Variants in CADPS2 observed in about 807,000 individuals in gnomAD.
CADPS2 encodes calcium-dependent secretion activator 2.
Under a neutral mutation model 172.5 loss-of-function variants are expected in CADPS2, and 93 were observed. The ratio of observed to expected loss-of-function variants is 0.54; its 90% CI spans 0.46 to 0.64. The LOEUF is 0.64. Ranked by LOEUF, CADPS2 falls within the 30% of genes least tolerant of loss-of-function variation. The pLI, the probability that CADPS2 is intolerant of heterozygous loss-of-function variation, is 0.00. For missense variants in CADPS2, 1,420 were observed against 1,565.9 expected, an observed-to-expected ratio of 0.91 and a Z score of 1.57; for synonymous variants, 546 against 555.2, an observed-to-expected ratio of 0.98 and a Z score of 0.23.
At chr7:122,419,652 A>G (rs1475125395) in intron 17 of CADPS2, among the ~76,000 whole-genome samples, 3 of 152,158 alleles carry the variant, frequency 2.0e-5, no homozygotes, top group Non-Finnish European at 2.9e-5. Context: ...ACTGAACCAG[A>G]TAATTTCTAA....
At chr7:122,422,093 T>C (rs1438634897) in intron 17 of CADPS2, 2 of 152,052 alleles carry the variant, frequency 1.3e-5, no homozygotes, top group Non-Finnish European at 2.9e-5. Context: ...TAAGGGACTA[T>C]AGGGATAACT....
intron 8 of CADPS2, among the ~76,000 whole-genome samples, chr7:122,535,368 A>G (rs1018347427): frequency 6.6e-6 from 1 of 152,036 alleles, no homozygotes; most frequent in Non-Finnish European, 1.5e-5. Context: ...TAAGAACTAA[A>G]TAAGAATATT....
chr7:122,582,980 C>T (rs2069054041), intron 6 of CADPS2, among the ~76,000 whole-genome samples: 1 of 151,764 alleles, frequency 6.6e-6, no homozygotes. Flanking sequence ...ATACATGATT[C>T]TTCAAAGAGA....
chr7:122,801,788 TC>T (rs1797711677), intron 1 of CADPS2, among the ~76,000 whole-genome samples: 1 of 147,356 alleles, frequency 6.8e-6, no homozygotes. Flanking sequence ...ATTTTTTTTT[TC>T]TGGAGACATG....
chr7:122,777,003 TAGCCA>T (rs2093904394), intron 1 of CADPS2, among the ~76,000 whole-genome samples: 1 of 152,010 alleles, frequency 6.6e-6, no homozygotes, highest in Non-Finnish European at 1.5e-5. Flanking sequence ...GTTTGAAAAT[TAGCCA>T]AGCACGGCAG....
At chr7:122,516,872 T>C (rs1341368063) in intron 8 of CADPS2, among the ~76,000 whole-genome samples, 1 of 152,112 alleles carries the variant, frequency 6.6e-6, no homozygotes, top group African/African-American at 2.4e-5. Context: ...ATGTCTATAT[T>C]GGCCATGTCT....
At chr7:122,397,300 CAAAG>C (rs2045277729) in intron 20 of CADPS2, among the ~76,000 whole-genome samples, 1 of 150,988 alleles carries the variant, frequency 6.6e-6, no homozygotes. Context: ...CAGAATTCAG[CAAAG>C]AGTTATTTTT....
At chr7:122,546,715 C>T (rs1377623874) in intron 8 of CADPS2, among the ~76,000 whole-genome samples, 4 of 152,140 alleles carry the variant, frequency 2.6e-5, no homozygotes, top group African/African-American at 9.7e-5. Flanking sequence ...GGCCCACTGC[C>T]ATGCTCTGAC....
intron 17 of CADPS2, among the ~76,000 whole-genome samples, chr7:122,437,724 T>C (rs966270873): frequency 1.3e-5 from 2 of 152,034 alleles, no homozygotes; most frequent in African/African-American, 4.8e-5. Flanking sequence ...AAAAGCTGAT[T>C]TTGTGACTTT....
At chr7:122,392,728 G>A (rs2044541301) in intron 22 of CADPS2, among the ~76,000 whole-genome samples, 1 of 152,128 alleles carries the variant, frequency 6.6e-6, no homozygotes, top group African/African-American at 2.4e-5. Flanking sequence ...ATGCAGTACT[G>A]TTTTTTAAAA....
intron 15 of CADPS2, among the ~76,000 whole-genome samples, chr7:122,446,957 C>T (rs537061990): frequency 2.7e-5 from 4 of 150,838 alleles, no homozygotes; most frequent in East Asian, 3.9e-4. Context: ...ATTTTTGGGG[C>T]CTTTTTAAAT....
intron 2 of CADPS2, among the ~76,000 whole-genome samples, chr7:122,714,583 T>C (rs573000174): frequency 1.3e-5 from 2 of 152,242 alleles, no homozygotes; most frequent in South Asian, 4.1e-4. Context: ...GCTTTTTGCA[T>C]GTTAATTTCT....
intron 2 of CADPS2, among the ~76,000 whole-genome samples, chr7:122,684,962 A>G (rs2083462468): frequency 6.6e-6 from 1 of 152,340 alleles, no homozygotes; most frequent in East Asian, 1.9e-4. Flanking sequence ...AGCAAAATGA[A>G]CCCAAAACTT....
intron 6 of CADPS2, among the ~76,000 whole-genome samples, chr7:122,597,482 T>C (rs2072009367): frequency 6.6e-6 from 1 of 152,196 alleles, no homozygotes; most frequent in African/African-American, 2.4e-5. Context: ...CTCTGCAAGA[T>C]GATTAGGTCA....
chr7:122,378,344 C>G (rs755759150), intron 25 of CADPS2, among the ~76,000 whole-genome samples: 1 of 152,092 alleles, frequency 6.6e-6, no homozygotes, highest in African/African-American at 2.4e-5. Context: ...AAGGCTGTAA[C>G]AATTTATACT....
intron 6 of CADPS2, among the ~76,000 whole-genome samples, chr7:122,590,473 A>T (rs73218233): frequency 6.6e-6 from 1 of 151,810 alleles, no homozygotes; most frequent in Non-Finnish European, 1.5e-5. Flanking sequence ...TCAAGACTTA[A>T]GACATTCCCC....
intron 29 of CADPS2, 105 bp from the exon 30 acceptor site, chr7:122,320,443 T>C: frequency 1.2e-6 from 1 of 806,264 alleles, no homozygotes; most frequent in Non-Finnish European, 1.8e-6. Flanking sequence ...AATCCACTGA[T>C]AGGTTCATGT....
chr7:122,536,427 T>C (rs2062280392), intron 8 of CADPS2, among the ~76,000 whole-genome samples: 1 of 152,028 alleles, frequency 6.6e-6, no homozygotes, highest in African/African-American at 2.4e-5. Context: ...AAGATGAAAA[T>C]CTGTTTTGTA....
intron 1 of CADPS2, among the ~76,000 whole-genome samples, chr7:122,808,606 T>C (rs1799323099): frequency 6.6e-6 from 1 of 152,266 alleles, no homozygotes; most frequent in African/African-American, 2.4e-5. Context: ...TATACATAAA[T>C]TGAAGTTTTC....
Sources: allele counts gnomAD v4.1 joint callset (sites outside exome capture counted in the v4.1 genomes callset), GRCh38; gene constraint gnomAD v4.1.1; transcripts MANE v1.5; gene names NCBI Gene and HGNC (gene_info 2026-07-23, HGNC 2026-07-21).